The following CLIP2 variants were observed in gnomAD, a reference collection of about 807,000 sequenced individuals.
CLIP2 encodes the protein CAP-Gly domain-containing linker protein 2.
A neutral mutation model predicts 111.7 loss-of-function variants in CLIP2; 41 were observed. The observed-to-expected ratio is 0.37, with a 90% CI of 0.29 to 0.48. CLIP2 has a LOEUF of 0.48. Among genes scored for constraint, CLIP2 ranks in the 20% least tolerant of loss-of-function variants. The pLI, the probability that CLIP2 is intolerant of heterozygous loss-of-function variation, is 0.99. For missense variants in CLIP2, 1,160 were observed against 1,422.1 expected (o/e 0.82, Z 2.96); for synonymous variants, 660 against 644.2 (o/e 1.02, Z -0.37).
chr7:74,318,838 T>C (rs1788865394), intron 2 of CLIP2, among the ~76,000 whole-genome samples: 1 of 152,192 alleles, frequency 6.6e-6, no homozygotes, highest in Non-Finnish European at 1.5e-5. Context: ...GCCCATCTTA[T>C]CTGATTGGTA....
chr7:74,336,944 G>A (rs1554732227), intron 2 of CLIP2, among the ~76,000 whole-genome samples: 1 of 149,730 alleles, frequency 6.7e-6, no homozygotes. Context: ...GGAGTGCAGT[G>A]GTGCTGTCTC....
rs781902843 is a variant in CLIP2, at chr7:74,376,339, C to G, written c.1938C>G (p.Ile646Met). The G allele has an allele frequency of 8.7e-6, 14 of 1,613,786 alleles. No individual in the cohort carries two copies. The highest frequency in any genetic ancestry group is 5.3e-5 in the African/African-American group (4 of 74,888). Residue 646 changes from isoleucine to methionine, a missense_variant, in exon 10 of 17, where the codon ATC (isoleucine) becomes ATG (methionine). Physicochemically the swap from Ile to Met is conservative, Grantham distance 10. Coordinates refer to ENST00000223398, the MANE Select transcript of CLIP2 (RefSeq NM_003388.5). This position sits in a 1 kb window ranked among gnomAD's most constrained non-coding sequence, Gnocchi z 7.1. ...GCCCAGGCGCCCAGCAGAAGGAGAT[C>G]GGCGAGCTGAAGGCAGTGATGGAGG... is the stretch of plus-strand genomic sequence containing the variant. The part of the protein sequence containing the change: ...NSGPGAQQKE[I>M]GELKAVMEGI...
At chr7:74,359,374 G>A (rs1790249529) in intron 6 of CLIP2, among the ~76,000 whole-genome samples, 1 of 137,018 alleles carries the variant, frequency 7.3e-6, no homozygotes, top group Non-Finnish European at 1.5e-5. Flanking sequence ...TCTTTTTTGA[G>A]GCAGAGTCTC....
At chr7:74,307,376 G>A (rs1387843644) in intron 1 of CLIP2, among the ~76,000 whole-genome samples, 8 of 152,202 alleles carry the variant, frequency 5.3e-5, no homozygotes, top group South Asian at 2.1e-4. Flanking sequence ...TTGAGTCCCC[G>A]AACTTCTCTG....
At chr7:74,378,032 T>TC (rs1790841582) in intron 10 of CLIP2, among the ~76,000 whole-genome samples, 1 of 151,988 alleles carries the variant, frequency 6.6e-6, no homozygotes, top group African/African-American at 2.4e-5. Context: ...CGCCAGGTAG[T>TC]CCAGGCTGGT....
At chr7:74,342,484 G>A (rs902717322) in intron 3 of CLIP2, among the ~76,000 whole-genome samples, 15 of 152,224 alleles carry the variant, frequency 9.9e-5, no homozygotes, top group African/African-American at 3.6e-4. Context: ...TGACCCCACA[G>A]GGCCAGGGAC....
At chr7:74,335,270 C>CAAAAA (rs36136697) in intron 2 of CLIP2, among the ~76,000 whole-genome samples, 1 of 99,878 alleles carries the variant, frequency 1.0e-5, no homozygotes, top group Admixed American at 1.2e-4. Context: ...GACTCCATCT[C>CAAAAA]AAAAAAAAAA....
Position 74,373,035 on chromosome 7 carries a change from G to T in CLIP2, c.1484G>T (p.Arg495Met). 6.4e-7 allele frequency: 1 copy of T among 1,567,302 alleles called. No individual in the cohort carries two copies. Among genetic ancestry groups the T allele is most frequent in the East Asian group, 2.3e-5 (1 of 43,186 alleles). ...ERLLRELADN[R>M]LTTVAEKSRV... is the part of the protein sequence containing the mutation. ...CTGCTCCGAGAATTAGCGGACAACAGGGTAACCGCGCCACCGCACCCGCCT... is the reference window on the plus strand; with the variant it reads ...CTGCTCCGAGAATTAGCGGACAACATGGTAACCGCGCCACCGCACCCGCCT... Residue 495 changes from arginine (R) to methionine (M), a missense_variant and splice_region_variant, in exon 9 of 17, where the codon AGG becomes ATG. Around this residue, in one of 5 missense-constraint regions of CLIP2, gnomAD observed 676 missense variants for 777.8 expected, o/e 0.87. Coordinates refer to ENST00000223398, the MANE Select transcript of CLIP2 (RefSeq NM_003388.5).
chr7:74,294,465 GGGATC>G (rs1313775393), intron 1 of CLIP2, among the ~76,000 whole-genome samples: 5 of 152,144 alleles, frequency 3.3e-5, no homozygotes, highest in Non-Finnish European at 7.4e-5. Flanking sequence ...CTCCATGGCT[GGGATC>G]ATACCTTCCA....
At chr7:74,317,809 C>G (rs1474694649) in intron 2 of CLIP2, 142 bp downstream of exon 2, 5 of 1,075,974 alleles carry the variant, frequency 4.6e-6, no homozygotes, top group Non-Finnish European at 6.1e-6. Flanking sequence ...GTAATGGGGC[C>G]TGATCAACAC....
intron 16 of CLIP2, chr7:74,401,800 C>G: frequency 1.6e-6 from 1 of 644,952 alleles, no homozygotes; most frequent in South Asian, 1.6e-5. Context: ...GCGCAGTGGC[C>G]CACGCCTGTA....
intron 1 of CLIP2, among the ~76,000 whole-genome samples, chr7:74,306,554 G>A (rs1027188144): frequency 5.3e-5 from 8 of 152,030 alleles, no homozygotes; most frequent in Non-Finnish European, 1.0e-4. Flanking sequence ...CCCCTCCGCC[G>A]GGGCCCTGAT....
chr7:74,347,907 C>G (rs369888010), intron 3 of CLIP2, among the ~76,000 whole-genome samples: 63 of 152,204 alleles, frequency 4.1e-4, no homozygotes, highest in African/African-American at 1.4e-3. Context: ...AGCCCAGGGG[C>G]GGGGGCTCAC....
intron 12 of CLIP2, 21 bp downstream of exon 12, chr7:74,386,625 G>A: frequency 1.3e-6 from 2 of 1,574,112 alleles, no homozygotes; most frequent in Admixed American, 1.8e-5. Context: ...CTCCCGCAGG[G>A]CAGATGCGGG....
intron 9 of CLIP2, 85 bp downstream of exon 9, chr7:74,373,121 CTCTT>C (rs1790684258): frequency 1.3e-6 from 1 of 751,086 alleles, no homozygotes; most frequent in Non-Finnish European, 2.2e-6. Flanking sequence ...ATTATTGACT[CTCTT>C]TCTTTAGCTG....
chr7:74,390,555 G>A (rs973122939), intron 13 of CLIP2, among the ~76,000 whole-genome samples: 4 of 151,964 alleles, frequency 2.6e-5, no homozygotes, highest in Non-Finnish European at 5.9e-5. Flanking sequence ...TGTAATCCCA[G>A]CTACTCAGGA....
At chr7:74,293,016 C>T (rs1479101199) in intron 1 of CLIP2, among the ~76,000 whole-genome samples, 1 of 152,230 alleles carries the variant, frequency 6.6e-6, no homozygotes, top group Admixed American at 6.5e-5. Flanking sequence ...TCTCCCCATG[C>T]TCCCAGGCTG....
At chr7:74,401,193 C>G (rs186152107) in intron 15 of CLIP2, among the ~76,000 whole-genome samples, 1 of 152,172 alleles carries the variant, frequency 6.6e-6, no homozygotes, top group Non-Finnish European at 1.5e-5. Flanking sequence ...GGAGGCAGCC[C>G]TGGCCCAGGA....
chr7:74,308,888 G>A (rs1389964427), intron 1 of CLIP2, among the ~76,000 whole-genome samples: 4 of 151,838 alleles, frequency 2.6e-5, no homozygotes, highest in African/African-American at 9.7e-5. Flanking sequence ...CTTTTTTAGA[G>A]ACAGGGTCTC....
Sources: gnomAD v4.1 joint callset for allele counts (sites outside exome capture counted in the v4.1 genomes callset) on GRCh38, gnomAD v4.1.1 for gene constraint, gnomAD v4.1.1 regional missense constraint, Gnocchi (gnomAD v3.1) non-coding constraint, MANE v1.5 for transcripts, NCBI Gene and HGNC (gene_info 2026-07-23, HGNC 2026-07-21) for gene names.